The following ADAMTS18 variants were observed in gnomAD, a reference collection of about 807,000 sequenced individuals.
ADAMTS18 encodes A disintegrin and metalloproteinase with thrombospondin motifs 18.
ADAMTS18 carries 157 observed loss-of-function variants against 165.9 expected under a neutral mutation model. That is an observed-to-expected ratio of 0.95 (90% CI 0.83 to 1.08). The LOEUF (loss-of-function observed/expected upper bound fraction) is 1.08, where lower values mean the gene tolerates loss of function less well. ADAMTS18 is among the 50% of genes least tolerant of loss of function. The pLI is 0.00. For missense variants in ADAMTS18, 2,040 were observed against 1,534.0 expected (o/e 1.33, Z -5.51); for synonymous variants, 782 against 578.2 (o/e 1.35, Z -5.06).
At chr16:77,312,159 T>G (rs2055793829) in intron 16 of ADAMTS18, among the ~76,000 whole-genome samples, 1 of 152,120 alleles carries the variant, frequency 6.6e-6, no homozygotes, top group African/African-American at 2.4e-5. Flanking sequence ...AGAGATAGAT[T>G]GATGAACCGG....
chr16:77,347,025 C>T (rs150776595), intron 10 of ADAMTS18, among the ~76,000 whole-genome samples: 139 of 152,288 alleles, frequency 9.1e-4, no homozygotes, highest in African/African-American at 3.2e-3. Context: ...TGAGTGTTGC[C>T]TATTCTCTTA....
intron 12 of ADAMTS18, among the ~76,000 whole-genome samples, chr16:77,327,065 A>G (rs956972786): frequency 3.9e-5 from 6 of 152,228 alleles, no homozygotes; most frequent in African/African-American, 1.4e-4. Context: ...TCCATGGTGC[A>G]TATGTACCAC....
intron 7 of ADAMTS18, among the ~76,000 whole-genome samples, chr16:77,359,725 A>G (rs2056684921): frequency 6.6e-6 from 1 of 152,156 alleles, no homozygotes; most frequent in South Asian, 2.1e-4. Flanking sequence ...TTAGTAAGTC[A>G]CAGAATATTT....
chr16:77,314,222 A>G (rs2055837635), intron 16 of ADAMTS18, among the ~76,000 whole-genome samples: 1 of 152,190 alleles, frequency 6.6e-6, no homozygotes, highest in East Asian at 1.9e-4. Flanking sequence ...TGCAAACTCA[A>G]GTATCTCCTG....
chr16:77,295,391 T>C (rs1400603869), intron 18 of ADAMTS18, among the ~76,000 whole-genome samples: 2 of 95,556 alleles, frequency 2.1e-5, no homozygotes, highest in African/African-American at 1.1e-4. Context: ...CTTTAAAATC[T>C]GCACAATTCA....
At chr16:77,363,771 A>C in intron 6 of ADAMTS18, 31 bp downstream of exon 6, 1 of 1,593,684 alleles carries the variant, frequency 6.3e-7, no homozygotes. Flanking sequence ...CGGCAGACTG[A>C]ATGAAGACAT....
At chr16:77,426,426 A>C (rs925808113) in intron 3 of ADAMTS18, among the ~76,000 whole-genome samples, 2 of 152,182 alleles carry the variant, frequency 1.3e-5, no homozygotes, top group African/African-American at 4.8e-5. Flanking sequence ...TTAATATAAG[A>C]CATTTCTGAC....
chr16:77,433,154 A>G lies in ADAMTS18; in HGVS notation c.178+1264T>C, dbSNP rs542212728. 2.6e-5 allele frequency among the ~76,000 whole-genome samples: 4 copies of G among 152,326 alleles called. No homozygotes were observed. The South Asian group carries it at 8.3e-4, about 32-fold the overall frequency. On this transcript the variant is annotated intron_variant, in intron 2 of 22. Coordinates refer to ENST00000282849, the MANE Select transcript of ADAMTS18 (RefSeq NM_199355.4). The stretch of plus-strand genomic sequence containing the variant: ...GGCTCTTGATTATGTGCAATTTCTT[A>G]GAGAAAGTCTACCTTCTCCTTCTGT...
chr16:77,362,421 G>T (rs999511401), intron 6 of ADAMTS18, among the ~76,000 whole-genome samples, 157 bp from the exon 7 acceptor site: 2 of 152,170 alleles, frequency 1.3e-5, no homozygotes, highest in East Asian at 3.8e-4. Flanking sequence ...CTCTATTTTA[G>T]GTAAATGCTC....
At chr16:77,419,993 G>A (rs1349274523) in intron 3 of ADAMTS18, among the ~76,000 whole-genome samples, 13 of 108,090 alleles carry the variant, frequency 1.2e-4, no homozygotes, top group African/African-American at 4.0e-4. Context: ...GTGAGACTCT[G>A]TCGCAGATTA....
At chr16:77,360,811 G>A (rs887721002) in intron 7 of ADAMTS18, among the ~76,000 whole-genome samples, 14 of 152,188 alleles carry the variant, frequency 9.2e-5, no homozygotes, top group African/African-American at 3.4e-4. Flanking sequence ...TTCTGCCCTG[G>A]CACAGTGGCT....
At chr16:77,354,919 A>C (rs1365513895) in intron 9 of ADAMTS18, among the ~76,000 whole-genome samples, 1 of 152,206 alleles carries the variant, frequency 6.6e-6, no homozygotes, top group Non-Finnish European at 1.5e-5. Context: ...CATGAATTTA[A>C]AACTAATAGG....
At chr16:77,350,482 T>C (rs2056540281) in intron 10 of ADAMTS18, among the ~76,000 whole-genome samples, 1 of 152,180 alleles carries the variant, frequency 6.6e-6, no homozygotes, top group African/African-American at 2.4e-5. Context: ...TCCTCACCAA[T>C]GAGCCATGGA....
At chr16:77,371,243 A>C (rs1263168252) in intron 3 of ADAMTS18, among the ~76,000 whole-genome samples, 1 of 147,020 alleles carries the variant, frequency 6.8e-6, no homozygotes, top group African/African-American at 2.7e-5. Context: ...AAACAAAAAC[A>C]AAAACAAAAA....
In ADAMTS18 at chr16:77,297,175, A is replaced by G. The variant is rs186063885; in HGVS notation, c.2801+114T>C. The G allele has an allele frequency of 9.8e-5, 143 of 1,455,040 alleles. No individual in the cohort carries two copies. The East Asian group carries it at 3.0e-3, about 31-fold the overall frequency. The allele number at this position is 1,455,040 out of a possible 1,614,324, so 90.1% of individuals were successfully genotyped here. On this transcript the variant is annotated intron_variant, in intron 18 of 22. Transcript: ENST00000282849. The stretch of plus-strand genomic sequence containing the variant: ...TATTACTTTTTAAAGTATTGCGTCT[A>G]CCTTTGAATCACTTTCCATTAGCAG...
chr16:77,411,634 G>C (rs1312016599), intron 3 of ADAMTS18, among the ~76,000 whole-genome samples: 1 of 146,158 alleles, frequency 6.8e-6, no homozygotes, highest in Non-Finnish European at 1.5e-5. Flanking sequence ...CCTTGTGATG[G>C]TTAATTTTAT....
intron 11 of ADAMTS18, among the ~76,000 whole-genome samples, chr16:77,339,567 C>A (rs1483823588): frequency 6.6e-6 from 1 of 150,792 alleles, no homozygotes; most frequent in East Asian, 2.0e-4. Context: ...TCCTGTGTAT[C>A]CCTTATAGGT....
chr16:77,364,137 T>A (rs1409270252), intron 5 of ADAMTS18, 51 bp downstream of exon 5: 2 of 1,608,544 alleles, frequency 1.2e-6, no homozygotes, highest in Non-Finnish European at 1.7e-6. Flanking sequence ...GAGAATTCCA[T>A]GACATTTATT....
chr16:77,305,691 T>G (rs17713161), intron 16 of ADAMTS18, among the ~76,000 whole-genome samples: 45,098 of 152,058 alleles, frequency 0.3, 7,284 homozygotes, highest in East Asian at 0.62. Context: ...TTGGAGAATA[T>G]AGCCCCCAAT....
Sources: allele counts gnomAD v4.1 joint callset (sites outside exome capture counted in the v4.1 genomes callset), GRCh38; gene constraint gnomAD v4.1.1; transcripts MANE v1.5; gene names NCBI Gene and HGNC (gene_info 2026-07-23, HGNC 2026-07-21).